The following SGCZ variants were observed in gnomAD, a reference collection of about 807,000 sequenced individuals.
The protein encoded by SGCZ is sarcoglycan zeta.
A neutral mutation model predicts 41.3 loss-of-function variants in SGCZ; 40 were observed. The ratio of observed to expected loss-of-function variants is 0.97; its 90% confidence interval spans 0.75 to 1.26. SGCZ has a LOEUF of 1.26. Ranked by LOEUF, SGCZ falls within the 50% of genes most tolerant of loss-of-function variation. The pLI is 0.00. For synonymous variants in SGCZ, 206 were observed against 137.5 expected (o/e 1.50, Z -3.49); for missense variants, 552 against 369.8 (o/e 1.49, Z -4.04).
rs568552568 is a variant in SGCZ at position 14,087,624 on chromosome 8, C to T, written c.*2819G>A. ...AGATGAAATTTATATAAGTAAACTG[C>T]ATTTTATTTATACATATTGTAACAT... is the stretch of plus-strand genomic sequence containing the variant. On this transcript the variant is annotated 3_prime_UTR_variant, in exon 8 of 8. Coordinates refer to ENST00000382080, the MANE Select transcript of SGCZ (RefSeq NM_139167.4). Among the ~76,000 whole-genome samples, 1 of 151,168 alleles carries T rather than the reference C, an allele frequency of 6.6e-6. No homozygotes were observed. Among genetic ancestry groups the T allele is most frequent in the Non-Finnish European group, 1.5e-5 (1 of 67,698 alleles).
chr8:14,185,339 G>C (rs1367354454), intron 4 of SGCZ, among the ~76,000 whole-genome samples: 1 of 152,022 alleles, frequency 6.6e-6, no homozygotes, highest in African/African-American at 2.4e-5. Flanking sequence ...GGAGGCGTAG[G>C]TTGCAGTGAG....
chr8:14,321,910 T>A (rs1801929419), intron 3 of SGCZ, among the ~76,000 whole-genome samples: 1 of 152,144 alleles, frequency 6.6e-6, no homozygotes, highest in African/African-American at 2.4e-5. Flanking sequence ...AGCACTTTGA[T>A]AACTTTCTAC....
intron 2 of SGCZ, among the ~76,000 whole-genome samples, chr8:14,415,593 T>A (rs1407104706): frequency 1.3e-5 from 2 of 152,000 alleles, no homozygotes; most frequent in Non-Finnish European, 2.9e-5. Context: ...ACAGTTGACA[T>A]CTTTCACAGG....
At chr8:14,786,267 A>G (rs1472127533) in intron 1 of SGCZ, among the ~76,000 whole-genome samples, 1 of 152,158 alleles carries the variant, frequency 6.6e-6, no homozygotes, top group Non-Finnish European at 1.5e-5. Context: ...AACATTTTAA[A>G]TACAAATGAG....
intron 1 of SGCZ, among the ~76,000 whole-genome samples, chr8:15,083,380 AC>A (rs1246187013): frequency 6.6e-6 from 1 of 152,184 alleles, no homozygotes; most frequent in African/African-American, 2.4e-5. Context: ...TATAGCCTAA[AC>A]TTTTTTCATT....
rs1310920168 is a variant in SGCZ at position 14,300,765 on chromosome 8, GTCT to G, written c.336+23335_336+23337del. 2.0e-5 allele frequency among the ~76,000 whole-genome samples: 3 copies of G among 151,976 alleles called. No individual in the cohort carries two copies. In the East Asian group the frequency reaches 5.8e-4, roughly 29 times the overall value. ...AAATTTATCTCTTAGCCATACGTAT[GTCT>G]TCTTTTGAGAAATTTCTATTCAGGT... On this transcript the variant is annotated intron_variant, in intron 3 of 7. Transcript: ENST00000382080.
intron 1 of SGCZ, among the ~76,000 whole-genome samples, chr8:14,945,201 T>C (rs943160173): frequency 1.3e-5 from 2 of 151,988 alleles, no homozygotes; most frequent in Non-Finnish European, 2.9e-5. Context: ...ATCCTTATGA[T>C]ACATTTACAA....
chr8:14,384,044 C>T (rs1804473594), intron 2 of SGCZ, among the ~76,000 whole-genome samples: 1 of 151,008 alleles, frequency 6.6e-6, no homozygotes, highest in South Asian at 2.1e-4. Flanking sequence ...ATACATGTGC[C>T]ATATTGGTGT....
chr8:15,197,479 A>C (rs555523559), intron 1 of SGCZ, among the ~76,000 whole-genome samples: 1 of 152,356 alleles, frequency 6.6e-6, no homozygotes, highest in South Asian at 2.1e-4. Context: ...AAGGTGGTGT[A>C]GGAAGCACTG....
intron 3 of SGCZ, among the ~76,000 whole-genome samples, chr8:14,263,875 G>C (rs1381328314): frequency 2.0e-5 from 3 of 152,164 alleles, no homozygotes; most frequent in Non-Finnish European, 4.4e-5. Context: ...CAGGAAGCGA[G>C]AGGGAAGTAA....
At chr8:14,090,688 G>A (rs764870617) in intron 7 of SGCZ, 51 bp from the exon 8 acceptor site, 30 of 1,498,176 alleles carry the variant, frequency 2.0e-5, no homozygotes, top group East Asian at 4.6e-5. Flanking sequence ...ATGTAGCATC[G>A]AGTAATCTAC....
In SGCZ at chr8:14,800,067, TCTACCTATAAA is replaced by T. The variant is rs374405059; in HGVS notation, c.40-245152_40-245142del. Among the ~76,000 whole-genome samples the T allele has an allele frequency of 7.4e-3, 1,120 of 152,282 alleles. 11 individuals are homozygous for T. The highest frequency in any genetic ancestry group is 0.025 in the African/African-American group (1,037 of 41,546). On this transcript the variant is annotated intron_variant, in intron 1 of 7. Coordinates refer to ENST00000382080, the MANE Select transcript of SGCZ (RefSeq NM_139167.4). ...TAGCTATTCCAAAACCATTATGTAC[TCTACCTATAAA>T]GAATATTCTTCAGGATTAAATCTCA...
chr8:14,810,608 AAAC>A (rs1801709343), intron 1 of SGCZ, among the ~76,000 whole-genome samples: 2 of 152,046 alleles, frequency 1.3e-5, no homozygotes, highest in Admixed American at 6.6e-5. Flanking sequence ...TTATAAACTT[AAAC>A]AACATCAGTT....
intron 1 of SGCZ, among the ~76,000 whole-genome samples, chr8:14,697,268 A>G (rs1808994706): frequency 6.6e-6 from 1 of 152,074 alleles, no homozygotes; most frequent in African/African-American, 2.4e-5. Flanking sequence ...ACTACATGCC[A>G]GAAATGACTC....
chr8:14,589,243 G>T lies in SGCZ; in HGVS notation c.40-34317C>A, dbSNP rs138527858. 2.1e-3 allele frequency among the ~76,000 whole-genome samples: 322 copies of T among 151,438 alleles called. 5 individuals are homozygous for T. The highest frequency in any genetic ancestry group is 0.014 in the Middle Eastern group (4 of 294). Reference sequence around the variant, plus strand: ...TGCCTATAATCCCCGCTATTTGGGAGGCTGAGGCAGGAGAATTGTTTGAAT... The same window carrying T: ...TGCCTATAATCCCCGCTATTTGGGATGCTGAGGCAGGAGAATTGTTTGAAT... On this transcript the variant is annotated intron_variant, in intron 1 of 7. Transcript: ENST00000382080.
intron 2 of SGCZ, among the ~76,000 whole-genome samples, chr8:14,425,674 T>G (rs929918245): frequency 6.6e-6 from 1 of 152,048 alleles, no homozygotes; most frequent in African/African-American, 2.4e-5. Flanking sequence ...ACAAATGTAT[T>G]ACAGATCATG....
intron 1 of SGCZ, among the ~76,000 whole-genome samples, chr8:14,944,318 TG>T (rs1800372536): frequency 6.6e-6 from 1 of 152,162 alleles, no homozygotes; most frequent in Non-Finnish European, 1.5e-5. Context: ...AACATAAATG[TG>T]GCTTTGTTGA....
intron 1 of SGCZ, among the ~76,000 whole-genome samples, chr8:14,923,204 C>G (rs1006325496): frequency 1.3e-5 from 2 of 152,156 alleles, no homozygotes; most frequent in Admixed American, 1.3e-4. Flanking sequence ...AGCAAAACAG[C>G]ACTGGCTTCT....
chr8:15,127,005 C>T (rs1490218093), intron 1 of SGCZ, among the ~76,000 whole-genome samples: 3 of 152,074 alleles, frequency 2.0e-5, no homozygotes, highest in African/African-American at 7.2e-5. Context: ...TAGACACATT[C>T]TAAGTATTGC....
Sources: allele counts gnomAD v4.1 joint callset (sites outside exome capture counted in the v4.1 genomes callset), GRCh38; gene constraint gnomAD v4.1.1; transcripts MANE v1.5; gene names NCBI Gene and HGNC (gene_info 2026-07-23, HGNC 2026-07-21).